KLHL3: variants seen among roughly 807,000 people sequenced by gnomAD.
KLHL3 encodes kelch like family member 3.
In KLHL3, 19 loss-of-function variants were observed where a neutral mutation model predicts 70.5. The ratio of observed to expected loss-of-function variants is 0.27; its 90% CI spans 0.19 to 0.40. The LOEUF (loss-of-function observed/expected upper bound fraction) is 0.40, where lower values mean the gene tolerates loss of function less well. KLHL3 is among the 10% of genes least tolerant of loss of function. The pLI is 1.00. For synonymous variants in KLHL3, 258 were observed against 290.3 expected (o/e 0.89, Z 1.13); for missense variants, 512 against 771.1 (o/e 0.66, Z 3.98).
intron 12 of KLHL3, chr5:137,628,694 AAAAT>A: frequency 8.1e-6 from 2 of 246,550 alleles, no homozygotes; most frequent in Non-Finnish European, 1.5e-5. Flanking sequence ...AAAACATTAA[AAAAT>A]ATATATATAT....
chr5:137,661,234 C>T (rs1253564215), intron 7 of KLHL3: 1 of 152,144 alleles, frequency 6.6e-6, no homozygotes, highest in African/African-American at 2.4e-5. Context: ...GCTAGTGACC[C>T]CGATAAATCC....
At chr5:137,647,909 A>G (rs1751097547) in intron 8 of KLHL3, among the ~76,000 whole-genome samples, 1 of 152,236 alleles carries the variant, frequency 6.6e-6, no homozygotes, top group East Asian at 1.9e-4. Flanking sequence ...TGAGCAAGAC[A>G]TTGAACCTTG....
chr5:137,661,857 G>T, intron 7 of KLHL3, 58 bp downstream of exon 7: 2 of 961,658 alleles, frequency 2.1e-6, no homozygotes, highest in Non-Finnish European at 3.4e-6. Flanking sequence ...ATTGCCCATT[G>T]CTATTCCTAC....
At chr5:137,672,887 T>G (rs1441567182) in intron 6 of KLHL3, 1 of 152,230 alleles carries the variant, frequency 6.6e-6, no homozygotes, top group Non-Finnish European at 1.5e-5. Context: ...AAACATGCCG[T>G]CAGCTCACAG....
At chr5:137,661,875 G>A (rs925893664) in intron 7 of KLHL3, 40 bp downstream of exon 7, 24 of 1,125,006 alleles carry the variant, frequency 2.1e-5, no homozygotes, top group Non-Finnish European at 2.9e-5. Flanking sequence ...TACAGGTCTG[G>A]GTGAACACAG....
At chr5:137,676,225 A>G (rs1751881087) in intron 6 of KLHL3, among the ~76,000 whole-genome samples, 2 of 152,152 alleles carry the variant, frequency 1.3e-5, no homozygotes, top group African/African-American at 4.8e-5. Flanking sequence ...TCTTGATCAA[A>G]CTTTTCCAGG....
intron 5 of KLHL3, among the ~76,000 whole-genome samples, chr5:137,687,601 C>T (rs961934406): frequency 4.8e-5 from 1 of 20,636 alleles, no homozygotes; most frequent in African/African-American, 2.6e-4. Flanking sequence ...GGCGCTTCTG[C>T]CCGGCCGCCC....
chr5:137,672,446 C>A (rs1003166452), intron 6 of KLHL3, among the ~76,000 whole-genome samples: 1 of 152,168 alleles, frequency 6.6e-6, no homozygotes, highest in African/African-American at 2.4e-5. Context: ...GAGACAACAG[C>A]GCATTTTAAA....
intron 13 of KLHL3, among the ~76,000 whole-genome samples, chr5:137,626,677 C>T (rs1282310586): frequency 6.6e-6 from 1 of 152,144 alleles, no homozygotes; most frequent in South Asian, 2.1e-4. Flanking sequence ...TCCTGGATGG[C>T]GTCTAAAATA....
chr5:137,677,716 C>T, intron 5 of KLHL3, 62 bp from the exon 6 acceptor site: 1 of 1,039,124 alleles, frequency 9.6e-7, no homozygotes, highest in Non-Finnish European at 1.4e-6. Context: ...TCTGCCCTTC[C>T]ATGACAATCT....
intron 14 of KLHL3, among the ~76,000 whole-genome samples, chr5:137,624,917 C>A (rs1750417676): frequency 1.3e-5 from 2 of 152,186 alleles, no homozygotes; most frequent in African/African-American, 4.8e-5. Context: ...GAAGCTTCCA[C>A]ACCCGCCTGG....
Position 137,621,988 on chromosome 5 carries a change from A to T in KLHL3, c.*110T>A, listed in dbSNP as rs1750320104. On this transcript the variant is annotated 3_prime_UTR_variant, in exon 15 of 15. Coordinates refer to ENST00000309755, the MANE Select transcript of KLHL3 (RefSeq NM_017415.3). ...CAAGTCAGAGGAGAGCGGTTCTCAC[A>T]GCAGCACAGACCCTCCCAAGCAAGT... The T allele has an allele frequency of 1.7e-6, 2 of 1,161,858 alleles. No homozygotes were observed. The highest frequency in any genetic ancestry group is 2.6e-6 in the Non-Finnish European group (2 of 769,172). The allele number at this position is 1,161,858 out of a possible 1,614,324, so 72.0% of individuals were successfully genotyped here.
chr5:137,723,788 T>C (rs150786903), intron 1 of KLHL3, among the ~76,000 whole-genome samples: 63 of 152,360 alleles, frequency 4.1e-4, no homozygotes, highest in African/African-American at 1.3e-3. Flanking sequence ...ATGAATAGTA[T>C]TGTCATATTC....
intron 5 of KLHL3, among the ~76,000 whole-genome samples, chr5:137,690,026 G>T (rs1364598406): frequency 6.6e-6 from 1 of 152,142 alleles, no homozygotes; most frequent in Non-Finnish European, 1.5e-5. Context: ...ACTAGCAAAC[G>T]TTTGTGAAAA....
chr5:137,681,656 G>T, intron 5 of KLHL3, among the ~76,000 whole-genome samples: 1 of 152,060 alleles, frequency 6.6e-6, no homozygotes, highest in African/African-American at 2.4e-5. Context: ...TTTTAACCAT[G>T]GGTTAAAAGA....
chr5:137,657,711 C>T (rs1026082324), intron 8 of KLHL3, among the ~76,000 whole-genome samples: 2 of 152,266 alleles, frequency 1.3e-5, no homozygotes, highest in Non-Finnish European at 1.5e-5. Flanking sequence ...TATGTCCTTC[C>T]CTGAGTGGGG....
chr5:137,652,630 G>A (rs1751230512), intron 8 of KLHL3, among the ~76,000 whole-genome samples: 1 of 152,340 alleles, frequency 6.6e-6, no homozygotes, highest in East Asian at 1.9e-4. Context: ...CATAGAAGTA[G>A]AGAATAGAAT....
At chr5:137,706,284 G>A in intron 3 of KLHL3, 2 of 985,434 alleles carry the variant, frequency 2.0e-6, no homozygotes, top group Non-Finnish European at 2.4e-6. Flanking sequence ...TCTAACGAGA[G>A]TCAGCCTCTT....
chr5:137,704,399 A>G (rs1752641867), intron 3 of KLHL3, among the ~76,000 whole-genome samples: 1 of 152,188 alleles, frequency 6.6e-6, no homozygotes, highest in Non-Finnish European at 1.5e-5. Context: ...CTCAAAAAAA[A>G]AAAAAGATTG....
Sources: allele counts gnomAD v4.1 joint callset (sites outside exome capture counted in the v4.1 genomes callset), GRCh38; gene constraint gnomAD v4.1.1; transcripts MANE v1.5; gene names NCBI Gene and HGNC (gene_info 2026-07-23, HGNC 2026-07-21).